DNAJC10: variants seen among roughly 807,000 people sequenced by gnomAD.
The protein encoded by DNAJC10 is endoplasmic reticulum disulfide reductase DNAJC10.
A neutral mutation model predicts 115.0 loss-of-function variants in DNAJC10; 101 were observed. That is an observed-to-expected ratio of 0.88 (90% CI 0.75 to 1.04). The LOEUF is 1.04. Ranked by LOEUF, DNAJC10 falls within the 50% of genes least tolerant of loss-of-function variation. The pLI is 0.00. For missense variants in DNAJC10, 981 were observed against 928.8 expected (o/e 1.06, Z -0.73); for synonymous variants, 307 against 301.5 (o/e 1.02, Z -0.19).
chr2:182,720,338 G>A (rs1693118959), intron 4 of DNAJC10, among the ~76,000 whole-genome samples, 169 bp downstream of exon 4: 1 of 152,132 alleles, frequency 6.6e-6, no homozygotes, highest in African/African-American at 2.4e-5. Context: ...ATACAGAGAT[G>A]ATCTGTACAG....
Position 182,789,260 on chromosome 2 carries a change from C to T in DNAJC10, c.*12128C>T, listed in dbSNP as rs184104124. 2.3e-4 allele frequency: 36 copies of T among 158,104 alleles called. No individual in the cohort carries two copies. In the East Asian group the frequency reaches 5.8e-3, roughly 25 times the overall value. 9.8% of individuals were successfully genotyped at this position (158,104 alleles called of 1,614,324 possible). A position where few individuals can be genotyped will look rare whatever the true frequency, so the allele number is the denominator to read the frequency against. On this transcript the variant is annotated 3_prime_UTR_variant, in exon 24 of 24. Coordinates refer to ENST00000264065, the MANE Select transcript of DNAJC10 (RefSeq NM_018981.4). ...GTTTTGAGACGGAGTCTTACTCTGTCCCCCTGGCTGGAGTGCAGTGGTGTG... is the reference window on the plus strand; with the variant it reads ...GTTTTGAGACGGAGTCTTACTCTGTTCCCCTGGCTGGAGTGCAGTGGTGTG...
At chr2:182,739,728 C>G in intron 11 of DNAJC10, 1 of 1,005,076 alleles carries the variant, frequency 9.9e-7, no homozygotes, top group Non-Finnish European at 1.2e-6. Flanking sequence ...GTATTTTACT[C>G]TAAAAACTCC....
Position 182,752,066 on chromosome 2 carries a change from T to C in DNAJC10, c.1435-6T>C. Reference sequence around the variant, plus strand: ...TCGGTGCTTATGAATATTTTTTCTTTCCTAGTGGTGTCCACCATGTCGAGC... The same window carrying C: ...TCGGTGCTTATGAATATTTTTTCTTCCCTAGTGGTGTCCACCATGTCGAGC... On this transcript the variant is annotated splice_region_variant and splice_polypyrimidine_tract_variant and intron_variant, in intron 15 of 23. Transcript: ENST00000264065. 1 of 1,603,720 alleles carries C rather than the reference T, an allele frequency of 6.2e-7. No individual in the cohort carries two copies. Among genetic ancestry groups the C allele is most frequent in the Non-Finnish European group, 8.5e-7 (1 of 1,173,036 alleles).
At chr2:182,767,672 G>C (rs1370504493) in intron 22 of DNAJC10, among the ~76,000 whole-genome samples, 3 of 152,096 alleles carry the variant, frequency 2.0e-5, no homozygotes, top group Non-Finnish European at 4.4e-5. Context: ...GGCCGGTGAG[G>C]GGGTGGGGGG....
intron 3 of DNAJC10, among the ~76,000 whole-genome samples, chr2:182,718,601 G>C (rs1384466312): frequency 2.6e-5 from 4 of 152,122 alleles, no homozygotes; most frequent in African/African-American, 9.7e-5. Flanking sequence ...TATTAAAGTA[G>C]GTTAAGATCA....
intron 22 of DNAJC10, among the ~76,000 whole-genome samples, chr2:182,767,556 C>T (rs373566468): frequency 7.2e-5 from 11 of 152,142 alleles, no homozygotes; most frequent in African/African-American, 2.7e-4. Flanking sequence ...GAGCTCTCCT[C>T]CTTCACACAT....
intron 17 of DNAJC10, among the ~76,000 whole-genome samples, chr2:182,755,997 A>G (rs1199943779): frequency 6.6e-6 from 1 of 152,196 alleles, no homozygotes; most frequent in Non-Finnish European, 1.5e-5. Context: ...ATATTTTAAG[A>G]TAATTCACAT....
Position 182,781,854 on chromosome 2 carries a change from C to A in DNAJC10, c.*4722C>A, listed in dbSNP as rs376814958. 6.6e-6 allele frequency: 1 copy of A among 151,936 alleles called. No homozygotes were observed. Among genetic ancestry groups the A allele is most frequent in the African/African-American group, 2.4e-5 (1 of 41,346 alleles). The allele number at this position is 151,936 out of a possible 1,614,324, so 9.4% of individuals were successfully genotyped here. A position where few individuals can be genotyped will look rare whatever the true frequency, so the allele number is the denominator to read the frequency against. ...TTCCTTGTAGATTCTGGATATTAGC[C>A]CTTTGTCAGATGGATAGATTGCAAA... On this transcript the variant is annotated 3_prime_UTR_variant, in exon 24 of 24. Transcript: ENST00000264065.
At chr2:182,731,223 C>G in intron 9 of DNAJC10, 116 bp downstream of exon 9, 1 of 637,534 alleles carries the variant, frequency 1.6e-6, no homozygotes, top group Non-Finnish European at 2.6e-6. Context: ...AATTTATGCC[C>G]AGGATTACAA....
chr2:182,752,005 G>T, intron 15 of DNAJC10, 67 bp from the exon 16 acceptor site: 2 of 1,331,914 alleles, frequency 1.5e-6, no homozygotes, highest in Non-Finnish European at 2.1e-6. Flanking sequence ...ATTACTTGTT[G>T]CAGAAATGAT....
Position 182,786,357 on chromosome 2 carries a change from A to G in DNAJC10, c.*9225A>G, listed in dbSNP as rs1047589509. 3 of 152,204 alleles carry G rather than the reference A, an allele frequency of 2.0e-5. No individual in the cohort carries two copies. The highest frequency in any genetic ancestry group is 7.2e-5 in the African/African-American group (3 of 41,452). 9.4% of individuals were successfully genotyped at this position (152,204 alleles called of 1,614,324 possible). A position where few individuals can be genotyped will look rare whatever the true frequency, so the allele number is the denominator to read the frequency against. ...CTTCCTTTCAGCGTGGAGCCTGAGC[A>G]TCATTTCACCATTTTGAGCCTCAAG... On this transcript the variant is annotated 3_prime_UTR_variant, in exon 24 of 24. Transcript: ENST00000264065.
At chr2:182,742,690 T>G (rs1226809094) in intron 13 of DNAJC10, among the ~76,000 whole-genome samples, 1 of 152,216 alleles carries the variant, frequency 6.6e-6, no homozygotes, top group Non-Finnish European at 1.5e-5. Flanking sequence ...ATGTTAACAA[T>G]ATTCACTTTC....
Position 182,789,938 on chromosome 2 carries a change from A to C in DNAJC10, c.*12806A>C, listed in dbSNP as rs1695019881. 6.6e-6 allele frequency: 1 copy of C among 152,102 alleles called. No homozygotes were observed. Among genetic ancestry groups the C allele is most frequent in the Non-Finnish European group, 1.5e-5 (1 of 68,022 alleles). The allele number at this position is 152,102 out of a possible 1,614,324, so 9.4% of individuals were successfully genotyped here. A position where few individuals can be genotyped will look rare whatever the true frequency, so the allele number is the denominator to read the frequency against. ...TTAAATTATTACTTTTTCCATATCAAAGTACTTTGTGGGAAGTTGGTTATT... is the reference window on the plus strand; with the variant it reads ...TTAAATTATTACTTTTTCCATATCACAGTACTTTGTGGGAAGTTGGTTATT... On this transcript the variant is annotated 3_prime_UTR_variant, in exon 24 of 24. Coordinates refer to ENST00000264065, the MANE Select transcript of DNAJC10 (RefSeq NM_018981.4).
In DNAJC10 at chr2:182,752,187, T is replaced by C; in HGVS notation, c.1550T>C (p.Met517Thr). ...DCTVHEGLCN[M>T]YNIQAYPTTV... ...ACAGTTCATGAGGGACTCTGTAACA[T>C]GGTAAGGCAAAGTATCAAAAATTAT... Residue 517 changes from methionine to threonine, a missense_variant and splice_region_variant, in exon 16 of 24, where the codon ATG (methionine) becomes ACG (threonine). Transcript: ENST00000264065. The C allele has an allele frequency of 6.8e-7, 1 of 1,460,568 alleles. No homozygotes were observed. The highest frequency in any genetic ancestry group is 2.3e-5 in the East Asian group (1 of 42,684). The allele number at this position is 1,460,568 out of a possible 1,614,324, so 90.5% of individuals were successfully genotyped here.
rs753332696 is a variant in DNAJC10, at chr2:182,718,135, A to G, written c.49A>G (p.Ile17Val). The G allele has an allele frequency of 4.3e-6, 7 of 1,612,832 alleles. No individual in the cohort carries two copies. Among genetic ancestry groups the G allele is most frequent in the Non-Finnish European group, 1.7e-6 (2 of 1,179,582 alleles). Residue 17 changes from isoleucine (I) to valine (V), a missense_variant, in exon 3 of 24, where the codon ATC (isoleucine) becomes GTC (valine). Ile to Val is a conservative substitution (Grantham distance 29). Transcript: ENST00000264065. ...TGACTATATCAGAGACTTGAAAAGG[A>G]TCATTCTCTGTTTTCTGATAGTGTA... is the stretch of plus-strand genomic sequence containing the variant. The part of the protein sequence containing the change: ...KDDYIRDLKR[I>V]ILCFLIVYMA...
intron 22 of DNAJC10, among the ~76,000 whole-genome samples, chr2:182,769,863 C>G (rs1694514536): frequency 6.6e-6 from 1 of 152,138 alleles, no homozygotes; most frequent in Admixed American, 6.5e-5. Flanking sequence ...GTTGCCATTG[C>G]TTTTGGTGTT....
In DNAJC10 at chr2:182,774,734, G is replaced by A. The variant is rs186055576; in HGVS notation, c.2266-582G>A. On this transcript the variant is annotated intron_variant, in intron 22 of 23. Coordinates refer to ENST00000264065, the MANE Select transcript of DNAJC10 (RefSeq NM_018981.4). ...TGCAGTATTTGGGCGAGAGTGTCCC[G>A]TTTTTTCAGGTAGTCTGTCACGGTT... Among the ~76,000 whole-genome samples the A allele has an allele frequency of 1.7e-4, 26 of 152,336 alleles. No individual in the cohort carries two copies. The East Asian group carries it at 3.7e-3, about 21-fold the overall frequency.
At chr2:182,737,122 AG>A (rs898355926) in intron 11 of DNAJC10, among the ~76,000 whole-genome samples, 2 of 152,172 alleles carry the variant, frequency 1.3e-5, no homozygotes, top group African/African-American at 4.8e-5. Context: ...ATTTTTCTAA[AG>A]CACCCCGTGG....
rs548103731 is a variant in DNAJC10, at chr2:182,784,572, T to C, written c.*7440T>C. The C allele has an allele frequency of 6.6e-6, 1 of 152,222 alleles. No individual in the cohort carries two copies. Among genetic ancestry groups the C allele is most frequent in the Non-Finnish European group, 1.5e-5 (1 of 68,034 alleles). The allele number at this position is 152,222 out of a possible 1,614,324, so 9.4% of individuals were successfully genotyped here. A position where few individuals can be genotyped will look rare whatever the true frequency, so the allele number is the denominator to read the frequency against. Reference sequence around the variant, plus strand: ...GTTTAAAACTAATTTGCCAGAGCTCTACTGTGATAAGAATTTCTGACTAGA... The same window carrying C: ...GTTTAAAACTAATTTGCCAGAGCTCCACTGTGATAAGAATTTCTGACTAGA... On this transcript the variant is annotated 3_prime_UTR_variant, in exon 24 of 24. Coordinates refer to ENST00000264065, the MANE Select transcript of DNAJC10 (RefSeq NM_018981.4).
Sources: gnomAD v4.1 joint callset for allele counts (sites outside exome capture counted in the v4.1 genomes callset) on GRCh38, gnomAD v4.1.1 for gene constraint, MANE v1.5 for transcripts, NCBI Gene and HGNC (gene_info 2026-07-23, HGNC 2026-07-21) for gene names.